The following KIAA0825 variants were observed in gnomAD, a reference collection of about 807,000 sequenced individuals.
KIAA0825 encodes KIAA0825.
In KIAA0825, 119 loss-of-function variants were observed where a neutral mutation model predicts 147.6. The ratio of observed to expected loss-of-function variants is 0.81; its 90% CI spans 0.69 to 0.94. The LOEUF is 0.94. Ranked by LOEUF, KIAA0825 falls within the 40% of genes least tolerant of loss-of-function variation. The pLI is 0.00. For synonymous variants in KIAA0825, 470 were observed against 518.1 expected, an observed-to-expected ratio of 0.91 and a Z score of 1.26; for missense variants, 1,381 against 1,472.7, an observed-to-expected ratio of 0.94 and a Z score of 1.02.
At chr5:94,182,439 T>C (rs1226928670) in intron 20 of KIAA0825, among the ~76,000 whole-genome samples, 1 of 151,166 alleles carries the variant, frequency 6.6e-6, no homozygotes, top group African/African-American at 2.4e-5. Context: ...TTTGTATTTT[T>C]AGTAGAGATG....
chr5:94,352,911 T>C (rs2150370957), intron 20 of KIAA0825, among the ~76,000 whole-genome samples: 1 of 146,766 alleles, frequency 6.8e-6, no homozygotes, highest in South Asian at 2.3e-4. Flanking sequence ...GCAATGGACT[T>C]TGGGGACTTG....
intron 14 of KIAA0825, among the ~76,000 whole-genome samples, chr5:94,421,173 C>G (rs997171531): frequency 1.3e-5 from 2 of 152,192 alleles, no homozygotes; most frequent in South Asian, 4.1e-4. Flanking sequence ...AACTACTCAA[C>G]TCTTCTCTTG....
chr5:94,263,665 C>CT (rs139379808), intron 20 of KIAA0825, among the ~76,000 whole-genome samples: 21,764 of 150,868 alleles, frequency 0.14, 1,701 homozygotes, highest in East Asian at 0.24. Context: ...CTCTCTCTCT[C>CT]TTTTTTTTTG....
intron 1 of KIAA0825, among the ~76,000 whole-genome samples, chr5:94,600,169 G>A (rs1374793602): frequency 1.3e-5 from 2 of 152,006 alleles, no homozygotes; most frequent in Non-Finnish European, 2.9e-5. Flanking sequence ...ATTAATTTGG[G>A]GAAGTATTGC....
At chr5:94,484,318 A>G (rs1255907554) in intron 6 of KIAA0825, among the ~76,000 whole-genome samples, 2 of 151,740 alleles carry the variant, frequency 1.3e-5, no homozygotes, top group South Asian at 2.1e-4. Context: ...TGAAGCATCT[A>G]ATCCTGAAAG....
At chr5:94,214,834 G>C (rs1469307039) in intron 20 of KIAA0825, among the ~76,000 whole-genome samples, 1 of 152,152 alleles carries the variant, frequency 6.6e-6, no homozygotes, top group Non-Finnish European at 1.5e-5. Flanking sequence ...ACGTTCATGT[G>C]AGGGCCTAGC....
At position 94,561,083 on chromosome 5, in the gene KIAA0825, C is replaced by G. The variant is rs145818371; in HGVS notation, c.-2+21350G>C. Among the ~76,000 whole-genome samples, 477 of 152,304 alleles carry G rather than the reference C, an allele frequency of 3.1e-3. 3 individuals carry two copies. The highest frequency in any genetic ancestry group is 0.011 in the African/African-American group (444 of 41,562). On this transcript the variant is annotated intron_variant, in intron 2 of 20. Transcript: ENST00000682413. Reference sequence around the variant, plus strand: ...CTGCATTAACTTTCAGCTCCACTCCCTCTAACTCTAACCTCCAGAGACAGG... The same window carrying G: ...CTGCATTAACTTTCAGCTCCACTCCGTCTAACTCTAACCTCCAGAGACAGG...
intron 1 of KIAA0825, among the ~76,000 whole-genome samples, chr5:94,608,463 AT>A (rs1194235038): frequency 3.4e-4 from 7 of 20,570 alleles, no homozygotes; most frequent in African/African-American, 5.4e-4. Flanking sequence ...ATATATATAT[AT>A]TATATATATA....
intron 2 of KIAA0825, among the ~76,000 whole-genome samples, chr5:94,561,160 C>T (rs550994022): frequency 5.3e-5 from 8 of 152,238 alleles, no homozygotes; most frequent in African/African-American, 9.6e-5. Flanking sequence ...TTTAATCAAT[C>T]GTGTCTACAT....
intron 20 of KIAA0825, among the ~76,000 whole-genome samples, chr5:94,346,133 G>A (rs948539500): frequency 3.3e-5 from 5 of 152,048 alleles, no homozygotes; most frequent in Non-Finnish European, 5.9e-5. Context: ...TTTCTTTGGA[G>A]GCAGAAATTG....
intron 20 of KIAA0825, among the ~76,000 whole-genome samples, chr5:94,308,897 G>A (rs2150195811): frequency 6.6e-6 from 1 of 151,878 alleles, no homozygotes; most frequent in Non-Finnish European, 1.5e-5. Context: ...TGGATTTAAA[G>A]GTAACATACA....
chr5:94,306,211 T>C (rs1778722732), intron 20 of KIAA0825, among the ~76,000 whole-genome samples: 1 of 151,832 alleles, frequency 6.6e-6, no homozygotes, highest in Non-Finnish European at 1.5e-5. Flanking sequence ...GAAATCTAAT[T>C]TCAGAGTTTA....
At chr5:94,325,943 GT>G (rs925816445) in intron 20 of KIAA0825, among the ~76,000 whole-genome samples, 3 of 151,424 alleles carry the variant, frequency 2.0e-5, no homozygotes, top group Admixed American at 1.3e-4. Context: ...TAATATCAGA[GT>G]TTTTTTTCAG....
At chr5:94,547,320 T>A (rs1366058567) in intron 2 of KIAA0825, among the ~76,000 whole-genome samples, 1 of 152,000 alleles carries the variant, frequency 6.6e-6, no homozygotes, top group Non-Finnish European at 1.5e-5. Context: ...AAATGGCACC[T>A]CAAACTTAGA....
chr5:94,239,138 T>G (rs1775218338), intron 20 of KIAA0825, among the ~76,000 whole-genome samples: 1 of 152,218 alleles, frequency 6.6e-6, no homozygotes, highest in East Asian at 1.9e-4. Flanking sequence ...ATGAATGGAA[T>G]GCCTGTCTGA....
intron 20 of KIAA0825, among the ~76,000 whole-genome samples, chr5:94,242,541 A>T (rs1435087871): frequency 6.6e-6 from 1 of 151,908 alleles, no homozygotes; most frequent in Non-Finnish European, 1.5e-5. Context: ...ATCTCCTTGT[A>T]TATTTTTCTT....
At chr5:94,572,263 C>T (rs1780122276) in intron 2 of KIAA0825, among the ~76,000 whole-genome samples, 1 of 152,192 alleles carries the variant, frequency 6.6e-6, no homozygotes, top group Non-Finnish European at 1.5e-5. Context: ...ACTACCATCA[C>T]CCAAACCTGA....
chr5:94,217,367 C>G (rs1212546580), intron 20 of KIAA0825, among the ~76,000 whole-genome samples: 1 of 152,120 alleles, frequency 6.6e-6, no homozygotes, highest in Non-Finnish European at 1.5e-5. Flanking sequence ...GATTTCACAT[C>G]TTTTGCTTCC....
intron 5 of KIAA0825, among the ~76,000 whole-genome samples, chr5:94,498,853 C>T (rs866945301): frequency 1.4e-4 from 21 of 152,172 alleles, no homozygotes; most frequent in African/African-American, 5.1e-4. Context: ...AACTCGAGTC[C>T]AAATCTTCAT....
Sources: gnomAD v4.1 joint callset for allele counts (sites outside exome capture counted in the v4.1 genomes callset) on GRCh38, gnomAD v4.1.1 for gene constraint, MANE v1.5 for transcripts, NCBI Gene and HGNC (gene_info 2026-07-23, HGNC 2026-07-21) for gene names.